Variants in MCM6 observed in about 807,000 individuals in gnomAD.
MCM6 encodes DNA replication licensing factor MCM6.
Under a neutral mutation model 94.3 loss-of-function variants are expected in MCM6, and 46 were observed. The ratio of observed to expected loss-of-function variants is 0.49; its 90% CI spans 0.39 to 0.62. MCM6 has a LOEUF of 0.62. Ranked by LOEUF, MCM6 falls within the 20% of genes least tolerant of loss-of-function variation. The probability of loss-of-function intolerance (pLI) is 0.00; values close to 1 mark genes in which losing one functional copy is unlikely to be tolerated. For missense variants in MCM6, 865 were observed against 1,017.9 expected (o/e 0.85, Z 2.04); for synonymous variants, 335 against 351.9 (o/e 0.95, Z 0.54).
At chr2:135,853,020 C>A in intron 11 of MCM6, 105 bp from the exon 12 acceptor site, 1 of 1,018,866 alleles carries the variant, frequency 9.8e-7, no homozygotes, top group Non-Finnish European at 1.4e-6. Flanking sequence ...CTCTAATATA[C>A]CACTTAAAGA....
chr2:135,876,340 G>T lies in MCM6; in HGVS notation c.26C>A (p.Pro9Gln), dbSNP rs779145315. 3.7e-6 allele frequency: 6 copies of T among 1,608,922 alleles called. No individual in the cohort carries two copies. In the South Asian group the frequency reaches 6.6e-5, roughly 18 times the overall value. ...CTCCAGGTGCTGGCTGCCGGCGCCC[G>T]GCTCCGCTGCCGCCGCGAGGTCCAT... MDLAAAAEPGAGSQHLEVR... is the reference protein window; with the variant it reads MDLAAAAEQGAGSQHLEVR... Residue 9 changes from proline (P) to glutamine (Q), a missense_variant, in exon 1 of 17, where the codon CCG becomes CAG. By Grantham distance (76) the Pro-to-Gln change is moderately conservative. Coordinates refer to ENST00000264156, the MANE Select transcript of MCM6 (RefSeq NM_005915.6).
intron 14 of MCM6, among the ~76,000 whole-genome samples, chr2:135,847,031 C>CA (rs963436530): frequency 2.6e-4 from 38 of 148,980 alleles, no homozygotes; most frequent in Admixed American, 4.0e-4. Context: ...AAAAAACAAA[C>CA]AAAAAAAAAC....
At chr2:135,843,092 T>A (rs4988274) in intron 16 of MCM6, among the ~76,000 whole-genome samples, 26,500 of 152,060 alleles carry the variant, frequency 0.17, 2,662 homozygotes, top group Middle Eastern at 0.35. Context: ...AAAGAAAATA[T>A]ACACACACTG....
chr2:135,863,632 G>A (rs1030976309), intron 7 of MCM6, among the ~76,000 whole-genome samples: 5 of 152,128 alleles, frequency 3.3e-5, no homozygotes, highest in African/African-American at 1.2e-4. Flanking sequence ...TTTCGGGGCT[G>A]TGGTGGGGAA....
At chr2:135,862,203 T>C (rs909380362) in intron 8 of MCM6, among the ~76,000 whole-genome samples, 1 of 151,712 alleles carries the variant, frequency 6.6e-6, no homozygotes, top group African/African-American at 2.4e-5. Context: ...TTATAGAAAA[T>C]TGAAATTACA....
intron 11 of MCM6, among the ~76,000 whole-genome samples, chr2:135,856,154 G>A (rs2105580960): frequency 6.6e-6 from 1 of 152,164 alleles, no homozygotes; most frequent in South Asian, 2.1e-4. Flanking sequence ...TAAGAGTGTG[G>A]TTGGGGCCAG....
intron 8 of MCM6, among the ~76,000 whole-genome samples, chr2:135,861,249 C>A (rs879407475): frequency 1.1e-4 from 16 of 152,110 alleles, no homozygotes; most frequent in Non-Finnish European, 2.4e-4. Context: ...ATGAAGTACA[C>A]ATGTTTTGCA....
chr2:135,846,348 T>C lies in MCM6; in HGVS notation c.2098A>G (p.Asn700Asp). The C allele has an allele frequency of 6.2e-7, 1 of 1,614,154 alleles. No individual in the cohort carries two copies. The highest frequency in any genetic ancestry group is 8.5e-7 in the Non-Finnish European group (1 of 1,179,998). ...GCAGACTCTTGATTTATGTCTTCAT[T>C]GTAGCCATTGATCCCGTTCACAGGA... ...PAPVNGINGY[N>D]EDINQESAPK... The change falls in exon 15 of 17, where the codon AAT (asparagine) becomes GAT (aspartate). Residue 700 changes from asparagine to aspartate, a missense_variant. By Grantham distance (23) the Asn-to-Asp change is conservative. Coordinates refer to ENST00000264156, the MANE Select transcript of MCM6 (RefSeq NM_005915.6).
rs1198022144 is a variant in MCM6, at chr2:135,840,912, C to G, written c.2389G>C (p.Gly797Arg). 6 of 1,614,164 alleles carry G rather than the reference C, an allele frequency of 3.7e-6. No homozygotes were observed. Among genetic ancestry groups the G allele is most frequent in the Non-Finnish European group, 5.1e-6 (6 of 1,180,006 alleles). Reference sequence around the variant, plus strand: ...TAGCTCTCACTTCCCTCTGTGGAGCCTTTCAATCCAGCCTGGGTGAGCTCA... The same window carrying G: ...TAGCTCTCACTTCCCTCTGTGGAGCGTTTCAATCCAGCCTGGGTGAGCTCA... ...LIELTQAGLK[G>R]STEGSESYEE... The change falls in exon 17 of 17, where the codon GGC (glycine) becomes CGC (arginine). Residue 797 changes from glycine to arginine, a missense_variant. Gly to Arg is a moderately radical substitution (Grantham distance 125). Around this residue, in one of 3 missense-constraint regions of MCM6, gnomAD observed 308 missense variants for 324.5 expected, o/e 0.95. Coordinates refer to ENST00000264156, the MANE Select transcript of MCM6 (RefSeq NM_005915.6).
intron 11 of MCM6, among the ~76,000 whole-genome samples, chr2:135,855,827 A>G (rs1332028088): frequency 6.6e-6 from 1 of 152,238 alleles, no homozygotes; most frequent in Admixed American, 6.5e-5. Flanking sequence ...CTAAAATATT[A>G]GTTCCTACAA....
At chr2:135,858,197 AAAC>A (rs1161695959) in intron 9 of MCM6, among the ~76,000 whole-genome samples, 193 bp from the exon 10 acceptor site, 3 of 152,004 alleles carry the variant, frequency 2.0e-5, no homozygotes, top group African/African-American at 7.2e-5. Context: ...GTCTCTTAAA[AAAC>A]AACAACGGCC....
At chr2:135,854,486 CAG>C (rs1679834881) in intron 11 of MCM6, among the ~76,000 whole-genome samples, 1 of 119,356 alleles carries the variant, frequency 8.4e-6, no homozygotes, top group Non-Finnish European at 1.6e-5. Context: ...GGTGAGACGG[CAG>C]CACTGCACTC....
Position 135,844,544 on chromosome 2 carries a change from C to T in MCM6, c.2349+1G>A. The T allele has an allele frequency of 6.4e-7, 1 of 1,558,380 alleles. No homozygotes were observed. Among genetic ancestry groups the T allele is most frequent in the Non-Finnish European group, 8.7e-7 (1 of 1,154,622 alleles). On this transcript the variant is annotated splice_donor_variant, in intron 16 of 16. Transcript: ENST00000264156. LOFTEE classifies it high-confidence loss of function. Reference sequence around the variant, plus strand: ...CAGAGCACGCGCACTTCTGCACCTACATAGTGTGTGAGTCGATGAATAACT... The same window carrying T: ...CAGAGCACGCGCACTTCTGCACCTATATAGTGTGTGAGTCGATGAATAACT...
intron 16 of MCM6, among the ~76,000 whole-genome samples, chr2:135,843,141 G>A (rs1303187661): frequency 3.3e-5 from 5 of 152,214 alleles, no homozygotes; most frequent in South Asian, 2.1e-4. Context: ...AAGAGGAGCT[G>A]TGAGGGGAGA....
chr2:135,850,299 T>A (rs1216444681), intron 13 of MCM6, among the ~76,000 whole-genome samples: 1 of 151,496 alleles, frequency 6.6e-6, no homozygotes, highest in African/African-American at 2.4e-5. Flanking sequence ...CGTTTTTTTT[T>A]AATTTCCAAC....
rs985582091 is a variant in MCM6, at chr2:135,866,582, G to T, written c.762C>A (p.Val254=). 1.2e-6 allele frequency: 2 copies of T among 1,612,630 alleles called. No individual in the cohort carries two copies. Among genetic ancestry groups the T allele is most frequent in the African/African-American group, 2.7e-5 (2 of 74,852 alleles). ...FTGTLIVVPD[V]SKLSTPGARA... is the part of the protein sequence containing the mutation. ...ACTGACCTGGTGTGCTAAGCTTGGA[G>T]ACGTCAGGCACAACAATCAGTGTCC... is the stretch of plus-strand genomic sequence containing the variant. The change falls in exon 5 of 17, where the codon GTC becomes GTA. Residue 254 remains valine (V), a synonymous_variant. Coordinates refer to ENST00000264156, the MANE Select transcript of MCM6 (RefSeq NM_005915.6).
In MCM6 at chr2:135,857,878, A is replaced by C; in HGVS notation, c.1470+19T>G. 3 of 1,594,698 alleles carry C rather than the reference A, an allele frequency of 1.9e-6. No homozygotes were observed. The highest frequency in any genetic ancestry group is 2.6e-6 in the Non-Finnish European group (3 of 1,162,640). The stretch of plus-strand genomic sequence containing the variant: ...AAGGCTATGGACGATGCAGCAGAAC[A>C]GAAGTAGATAACACATACCTTCACT... On this transcript the variant is annotated intron_variant, in intron 10 of 16. Coordinates refer to ENST00000264156, the MANE Select transcript of MCM6 (RefSeq NM_005915.6).
chr2:135,855,348 G>GA (rs370402926), intron 11 of MCM6, among the ~76,000 whole-genome samples: 33 of 152,146 alleles, frequency 2.2e-4, no homozygotes, highest in African/African-American at 6.0e-4. Context: ...CTTGTGAAGG[G>GA]AAAAAAAGTG....
chr2:135,868,777 T>C lies in MCM6; in HGVS notation c.449A>G (p.Glu150Gly), dbSNP rs1575367591. Reference protein sequence around the residue: ...QVVRTHPVHPELVSGTFLCLD... With the variant: ...QVVRTHPVHPGLVSGTFLCLD... ...GCACAGAAAAGTTCCGCTCACAAGC[T>C]CTGGGTGAACTGGGTGAGTCCGCAC... Residue 150 changes from glutamate (E) to glycine (G), a missense_variant, in exon 4 of 17, where the codon GAG becomes GGG. Transcript: ENST00000264156. 1 of 1,614,190 alleles carries C rather than the reference T, an allele frequency of 6.2e-7. No homozygotes were observed.
Sources: allele counts gnomAD v4.1 joint callset (sites outside exome capture counted in the v4.1 genomes callset), GRCh38; gene constraint gnomAD v4.1.1; regional missense constraint gnomAD v4.1.1; transcripts MANE v1.5; gene names NCBI Gene and HGNC (gene_info 2026-07-23, HGNC 2026-07-21).